The following DNAI1 variants were observed in gnomAD, a reference collection of about 807,000 sequenced individuals.
The protein encoded by DNAI1 is dynein axonemal intermediate chain 1, also known as dynein, axonemal, intermediate polypeptide 1.
In DNAI1, 67 loss-of-function variants were observed where a neutral mutation model predicts 92.0. The ratio of observed to expected loss-of-function variants is 0.73; its 90% confidence interval spans 0.60 to 0.89. The LOEUF (loss-of-function observed/expected upper bound fraction) is 0.89, where lower values mean the gene tolerates loss of function less well. DNAI1 is among the 40% of genes least tolerant of loss of function. DNAI1 has a pLI of 0.00. For missense variants in DNAI1, 839 were observed against 866.6 expected (o/e 0.97, Z 0.40); for synonymous variants, 323 against 319.6 (o/e 1.01, Z -0.11).
At chr9:34,519,099 G>A (rs1402088896) in intron 19 of DNAI1, among the ~76,000 whole-genome samples, 2 of 152,208 alleles carry the variant, frequency 1.3e-5, no homozygotes, top group African/African-American at 4.8e-5. Flanking sequence ...GGGCTGGTGG[G>A]TACTTGAGTG....
chr9:34,475,306 G>A (rs896053095), intron 1 of DNAI1, among the ~76,000 whole-genome samples: 2 of 152,156 alleles, frequency 1.3e-5, no homozygotes, highest in African/African-American at 4.8e-5. Flanking sequence ...GATGGTAAAC[G>A]AAGTCTCCTG....
chr9:34,498,071 A>C (rs1193207971), intron 10 of DNAI1, among the ~76,000 whole-genome samples: 1 of 152,118 alleles, frequency 6.6e-6, no homozygotes, highest in Non-Finnish European at 1.5e-5. Flanking sequence ...GGAGGATGTG[A>C]TTGTGTAGAA....
chr9:34,462,676 A>G (rs545361196), intron 1 of DNAI1, among the ~76,000 whole-genome samples: 1 of 152,360 alleles, frequency 6.6e-6, no homozygotes, highest in South Asian at 2.1e-4. Context: ...TAACAAGGAA[A>G]TGTAACTGTG....
At chr9:34,491,445 GAGA>G (rs753866267) in intron 7 of DNAI1, 47 bp from the exon 8 acceptor site, 2 of 1,600,222 alleles carry the variant, frequency 1.2e-6, no homozygotes, top group South Asian at 1.1e-5. Context: ...TGGATTAAGT[GAGA>G]AGGAGTTGAG....
intron 1 of DNAI1, among the ~76,000 whole-genome samples, chr9:34,465,926 A>G (rs902483823): frequency 4.6e-5 from 7 of 152,210 alleles, no homozygotes; most frequent in African/African-American, 1.7e-4. Context: ...GAGTCTCACA[A>G]CGCTTTGTCC....
In DNAI1 at chr9:34,506,706, C is replaced by T. The variant is rs746503283; in HGVS notation, c.1143C>T (p.Ser381=). 3 of 1,614,196 alleles carry T rather than the reference C, an allele frequency of 1.9e-6. No individual in the cohort carries two copies. The South Asian group carries it at 3.3e-5, about 18-fold the overall frequency. ...KNPSFPEYMF[S]SNSGVMCLDI... is the part of the protein sequence containing the mutation. ...CCAGCTTCCCTGAGTACATGTTCAG[C>T]AGCAACAGCGGCGTCATGTGTCTCG... Residue 381 remains serine (S), a synonymous_variant, in exon 13 of 20, where the codon AGC becomes AGT. Transcript: ENST00000242317.
intron 1 of DNAI1, among the ~76,000 whole-genome samples, chr9:34,474,540 G>C (rs1424553204): frequency 7.0e-6 from 1 of 142,314 alleles, no homozygotes; most frequent in African/African-American, 2.6e-5. Flanking sequence ...CCCAGCCTGA[G>C]TTGTGACTAT....
chr9:34,458,899 G>A lies in DNAI1; in HGVS notation c.-107G>A. 1 of 990,898 alleles carries A rather than the reference G, an allele frequency of 1.0e-6. No homozygotes were observed. The highest frequency in any genetic ancestry group is 1.6e-6 in the Non-Finnish European group (1 of 621,334). The allele number at this position is 990,898 out of a possible 1,614,324, so 61.4% of individuals were successfully genotyped here. On this transcript the variant is annotated 5_prime_UTR_variant, in exon 1 of 20. Coordinates refer to ENST00000242317, the MANE Select transcript of DNAI1 (RefSeq NM_012144.4). The surrounding 1 kb of genome is among the most constrained non-coding windows in gnomAD (Gnocchi z 6.6). ...TGTCCCTAAAGAACCGTTGCGACTG[G>A]TAACTGAAGTGGAAGAGAGTCCAGA...
At chr9:34,519,145 A>G (rs1010968815) in intron 19 of DNAI1, among the ~76,000 whole-genome samples, 4 of 152,158 alleles carry the variant, frequency 2.6e-5, no homozygotes, top group East Asian at 1.9e-4. Flanking sequence ...ATCTGACCCT[A>G]TCAGCCAAGT....
intron 1 of DNAI1, among the ~76,000 whole-genome samples, chr9:34,473,853 T>G (rs1308303119): frequency 6.6e-6 from 1 of 151,964 alleles, no homozygotes; most frequent in African/African-American, 2.4e-5. Context: ...GCCTCCCAAG[T>G]AGCTGAGACT....
At chr9:34,491,618 G>A in intron 8 of DNAI1, 64 bp downstream of exon 8, 4 of 1,569,262 alleles carry the variant, frequency 2.5e-6, no homozygotes, top group Non-Finnish European at 3.5e-6. Context: ...TCCTCATTTA[G>A]CAGCAAAGGC....
intron 9 of DNAI1, among the ~76,000 whole-genome samples, chr9:34,495,174 G>T (rs1182463739): frequency 3.3e-5 from 5 of 152,206 alleles, no homozygotes; most frequent in Non-Finnish European, 7.4e-5. Context: ...AGGAGGAAAG[G>T]GCTCACAGGC....
In DNAI1 at chr9:34,490,375, GA is replaced by G; in HGVS notation, c.513del (p.Val172Ter). ...QTDVPAAGAA[E>X]KVTEEELMTP... ...TCTGGGTCTTTATTTTCAGGCAGCT[GA>G]AAAAGTGACTGAAGAAGAATTGATG... On this transcript the variant is annotated frameshift_variant, in exon 7 of 20. Coordinates refer to ENST00000242317, the MANE Select transcript of DNAI1 (RefSeq NM_012144.4). LOFTEE classifies it high-confidence loss of function. 6.2e-7 allele frequency: 1 copy of G among 1,614,190 alleles called. No homozygotes were observed. Among genetic ancestry groups the G allele is most frequent in the Non-Finnish European group, 8.5e-7 (1 of 1,180,036 alleles).
In DNAI1 at chr9:34,512,079, TC is replaced by T. The variant is rs368766463; in HGVS notation, c.1312-27del. On this transcript the variant is annotated intron_variant, in intron 13 of 19. Coordinates refer to ENST00000242317, the MANE Select transcript of DNAI1 (RefSeq NM_012144.4). Reference sequence around the variant, plus strand: ...GCCCTAACTCAACACTTTAGCAGGGTCCCAGAGCTCACATTTTGGGATGTTT... The same window carrying T: ...GCCCTAACTCAACACTTTAGCAGGGTCCAGAGCTCACATTTTGGGATGTTT... 5 of 1,608,172 alleles carry T rather than the reference TC, an allele frequency of 3.1e-6. No individual in the cohort carries two copies. In the African/African-American group the frequency reaches 6.7e-5, roughly 22 times the overall value.
At chr9:34,513,057 C>T (rs998365956) in intron 15 of DNAI1, 55 bp from the exon 16 acceptor site, 4 of 1,460,156 alleles carry the variant, frequency 2.7e-6, no homozygotes, top group Non-Finnish European at 2.9e-6. Flanking sequence ...AGGGGAGGCA[C>T]TGGGAGCCTC....
chr9:34,511,280 T>C (rs902546035), intron 13 of DNAI1, among the ~76,000 whole-genome samples: 1 of 152,258 alleles, frequency 6.6e-6, no homozygotes, highest in Non-Finnish European at 1.5e-5. Context: ...ACAACAGCTC[T>C]GTCTCCAAAA....
At chr9:34,505,029 C>G (rs771268816) in intron 12 of DNAI1, among the ~76,000 whole-genome samples, 2 of 152,180 alleles carry the variant, frequency 1.3e-5, no homozygotes, top group Non-Finnish European at 2.9e-5. Flanking sequence ...GCCTCTCTCT[C>G]TGATTCCTAA....
chr9:34,497,920 G>C (rs574693857), intron 10 of DNAI1, among the ~76,000 whole-genome samples: 1 of 152,188 alleles, frequency 6.6e-6, no homozygotes, highest in Non-Finnish European at 1.5e-5. Context: ...AAAGAGGTGA[G>C]AGTTCAGGCG....
chr9:34,465,864 T>A (rs574840746), intron 1 of DNAI1, among the ~76,000 whole-genome samples: 2 of 152,386 alleles, frequency 1.3e-5, no homozygotes, highest in South Asian at 2.1e-4. Flanking sequence ...CAGAGTTGTA[T>A]GCAAGAAGCA....
Sources: gnomAD v4.1 joint callset for allele counts (sites outside exome capture counted in the v4.1 genomes callset) on GRCh38, gnomAD v4.1.1 for gene constraint, Gnocchi (gnomAD v3.1) non-coding constraint, MANE v1.5 for transcripts, NCBI Gene and HGNC (gene_info 2026-07-23, HGNC 2026-07-21) for gene names.